Variants in LRP5 observed in about 807,000 individuals in gnomAD.
LRP5 encodes the protein low-density lipoprotein receptor-related protein 5.
Under a neutral mutation model 154.1 loss-of-function variants are expected in LRP5, and 62 were observed. That is an observed-to-expected ratio of 0.40 (90% CI 0.33 to 0.50). The LOEUF (loss-of-function observed/expected upper bound fraction) is 0.50, where lower values mean the gene tolerates loss of function less well. LRP5 is among the 20% of genes least tolerant of loss of function. The pLI is 0.55. For synonymous variants in LRP5, 966 were observed against 1,011.5 expected (o/e 0.96, Z 0.85); for missense variants, 1,915 against 2,336.7 (o/e 0.82, Z 3.72).
At chr11:68,404,996 C>T (rs956112242) in intron 8 of LRP5, among the ~76,000 whole-genome samples, 2 of 119,594 alleles carry the variant, frequency 1.7e-5, no homozygotes, top group African/African-American at 6.2e-5. Context: ...AAAAAAAGTC[C>T]AAAAAAAAAA....
intron 5 of LRP5, among the ~76,000 whole-genome samples, chr11:68,384,331 G>T (rs1342089389): frequency 6.6e-6 from 1 of 152,156 alleles, no homozygotes; most frequent in Admixed American, 6.5e-5. Context: ...TGGCTGCAGG[G>T]CCAGGTCTAG....
chr11:68,398,505 G>T (rs1170278915), intron 7 of LRP5, among the ~76,000 whole-genome samples: 1 of 152,140 alleles, frequency 6.6e-6, no homozygotes, highest in Non-Finnish European at 1.5e-5. Context: ...ACAGCCTCTC[G>T]GGTCTAGTTT....
At chr11:68,363,126 C>T (rs1210237065) in intron 3 of LRP5, among the ~76,000 whole-genome samples, 2 of 152,214 alleles carry the variant, frequency 1.3e-5, no homozygotes, top group Admixed American at 6.5e-5. Context: ...TAAGAAGGAG[C>T]GAGTGCACAT....
chr11:68,418,187 A>T (rs915058195), intron 13 of LRP5, among the ~76,000 whole-genome samples: 2 of 151,510 alleles, frequency 1.3e-5, no homozygotes, highest in African/African-American at 2.4e-5. Context: ...TGGGTGGATC[A>T]CGAGGTCAGG....
At position 68,410,070 on chromosome 11, in the gene LRP5, C is replaced by A; in HGVS notation, c.2248C>A (p.Gln750Lys). ...NRIEVARLDG[Q>K]FRQVLVWRDL... is the part of the protein sequence containing the mutation. ...AATCGAAGTGGCGCGGCTGGACGGGCAGTTCCGGCAAGTCCTCGTGTGGAG... is the reference window on the plus strand; with the variant it reads ...AATCGAAGTGGCGCGGCTGGACGGGAAGTTCCGGCAAGTCCTCGTGTGGAG... The change falls in exon 10 of 23, where the codon CAG (glutamine) becomes AAG (lysine). Residue 750 changes from glutamine to lysine, a missense_variant. Around this residue, in one of 3 missense-constraint regions of LRP5, gnomAD observed 773 missense variants for 1,100.9 expected, o/e 0.70. Coordinates refer to ENST00000294304, the MANE Select transcript of LRP5 (RefSeq NM_002335.4). 6.2e-7 allele frequency: 1 copy of A among 1,614,058 alleles called. No individual in the cohort carries two copies. Among genetic ancestry groups the A allele is most frequent in the Non-Finnish European group, 8.5e-7 (1 of 1,180,038 alleles).
At chr11:68,303,610 C>T in the LRP5 span, among the ~76,000 whole-genome samples, 1 of 152,206 alleles carries the variant, frequency 6.6e-6, no homozygotes, top group Non-Finnish European at 1.5e-5. Flanking sequence ...TCTCCTGCCT[C>T]AGCCTCTCCA....
At chr11:68,404,762 A>T (rs2098654554) in intron 8 of LRP5, among the ~76,000 whole-genome samples, 1 of 152,032 alleles carries the variant, frequency 6.6e-6, no homozygotes, top group Admixed American at 6.6e-5. Context: ...TGAGGTCAGG[A>T]GATCGAGACC....
At chr11:68,378,507 C>T (rs543882011) in intron 5 of LRP5, among the ~76,000 whole-genome samples, 27 of 28,072 alleles carry the variant, frequency 9.6e-4, no homozygotes, top group African/African-American at 2.4e-3. Flanking sequence ...ACCCTGTCCC[C>T]GGCATCCTGA....
intron 3 of LRP5, among the ~76,000 whole-genome samples, chr11:68,363,003 C>T (rs2098628908): frequency 6.6e-6 from 1 of 152,226 alleles, no homozygotes; most frequent in African/African-American, 2.4e-5. Flanking sequence ...TCCATAATCT[C>T]ATTACACCCG....
chr11:68,346,326 C>T (rs962008352), intron 1 of LRP5, among the ~76,000 whole-genome samples: 4 of 152,238 alleles, frequency 2.6e-5, no homozygotes, highest in African/African-American at 9.6e-5. Context: ...GGCCTCAGGT[C>T]CTCTGTGTGT....
the LRP5 span, among the ~76,000 whole-genome samples, chr11:68,306,359 C>T: frequency 4.3e-4 from 66 of 152,276 alleles, no homozygotes; most frequent in African/African-American, 1.5e-3. Context: ...TGCTCTCGAA[C>T]TCATGACCTT....
intron 5 of LRP5, among the ~76,000 whole-genome samples, chr11:68,372,418 G>A (rs2098634655): frequency 6.8e-6 from 1 of 146,976 alleles, no homozygotes; most frequent in Admixed American, 6.8e-5. Context: ...AGGCAGACCC[G>A]GGACCGTGGC....
chr11:68,356,702 C>T (rs2098623452), intron 2 of LRP5, among the ~76,000 whole-genome samples: 1 of 152,154 alleles, frequency 6.6e-6, no homozygotes, highest in South Asian at 2.1e-4. Context: ...TAAGGACATG[C>T]ACCCACCATT....
intron 7 of LRP5, 140 bp downstream of exon 7, chr11:68,390,192 A>G (rs573979010): frequency 4.6e-6 from 5 of 1,088,020 alleles, no homozygotes; most frequent in East Asian, 5.2e-5. Flanking sequence ...AAATAGTTAC[A>G]ATACTTTCTG....
rs747941034 is a variant in LRP5 at position 68,403,708 on chromosome 11, G to A, written c.1801+9G>A. ...TGTGGCCAAGGTCGTCGGTGAGTCC[G>A]GGGGGTCCCAAGCCATGGCTCAGCC... On this transcript the variant is annotated intron_variant, in intron 8 of 22. Coordinates refer to ENST00000294304, the MANE Select transcript of LRP5 (RefSeq NM_002335.4). 3.3e-5 allele frequency: 53 copies of A among 1,612,184 alleles called. No homozygotes were observed. The highest frequency in any genetic ancestry group is 7.7e-5 in the South Asian group (7 of 90,996).
intron 4 of LRP5, 33 bp downstream of exon 4, chr11:68,363,976 GC>G: frequency 7.3e-7 from 1 of 1,362,884 alleles, no homozygotes; most frequent in Non-Finnish European, 9.9e-7. Flanking sequence ...GGGCGAGGGT[GC>G]GGGGGCTGGG....
intron 1 of LRP5, among the ~76,000 whole-genome samples, chr11:68,331,434 G>A (rs1267416104): frequency 6.6e-6 from 1 of 152,158 alleles, no homozygotes; most frequent in Non-Finnish European, 1.5e-5. Flanking sequence ...CTGCCTCCCC[G>A]CCTGCCCCAG....
At chr11:68,395,010 A>T (rs1333520667) in intron 7 of LRP5, among the ~76,000 whole-genome samples, 1 of 151,924 alleles carries the variant, frequency 6.6e-6, no homozygotes, top group African/African-American at 2.4e-5. Flanking sequence ...CATTGAGAGC[A>T]ACCGAGGTGG....
chr11:68,427,553 G>A (rs1295280616), intron 16 of LRP5, among the ~76,000 whole-genome samples: 2 of 152,062 alleles, frequency 1.3e-5, no homozygotes, highest in African/African-American at 2.4e-5. Context: ...GGTGGCAGGC[G>A]CCTGTATTCC....
Sources: allele counts gnomAD v4.1 joint callset (sites outside exome capture counted in the v4.1 genomes callset), GRCh38; gene constraint gnomAD v4.1.1; regional missense constraint gnomAD v4.1.1; transcripts MANE v1.5; gene names NCBI Gene and HGNC (gene_info 2026-07-23, HGNC 2026-07-21).